Variants in TENM2 observed in about 807,000 individuals in gnomAD.
TENM2 encodes the protein teneurin-2.
A neutral mutation model predicts 245.2 loss-of-function variants in TENM2; 52 were observed. That is an observed-to-expected ratio of 0.21 (90% confidence interval 0.17 to 0.27). The LOEUF (loss-of-function observed/expected upper bound fraction) is 0.27. TENM2 is among the 10% of genes least tolerant of loss of function. TENM2 has a pLI of 1.00. For synonymous variants in TENM2, 1,363 were observed against 1,438.9 expected, an observed-to-expected ratio of 0.95 and a Z score of 1.19; for missense variants, 3,046 against 3,666.8, an observed-to-expected ratio of 0.83 and a Z score of 4.37.
intron 2 of TENM2, among the ~76,000 whole-genome samples, chr5:167,680,927 C>A: frequency 6.6e-6 from 1 of 151,448 alleles, no homozygotes; most frequent in Non-Finnish European, 1.5e-5. Flanking sequence ...GTGTCATAAA[C>A]TTGAATGATG....
intron 27 of TENM2, among the ~76,000 whole-genome samples, chr5:168,250,170 G>A (rs1201367435): frequency 7.1e-6 from 1 of 141,840 alleles, no homozygotes; most frequent in Admixed American, 7.1e-5. Context: ...ATGGATGGAT[G>A]GGTAAATAGA....
intron 7 of TENM2, among the ~76,000 whole-genome samples, chr5:168,062,588 A>G (rs942590171): frequency 6.6e-6 from 1 of 152,224 alleles, no homozygotes; most frequent in Non-Finnish European, 1.5e-5. Flanking sequence ...ATCAGTGTTC[A>G]TCATAGCCTT....
intron 10 of TENM2, among the ~76,000 whole-genome samples, chr5:168,123,160 A>G (rs530535378): frequency 3.9e-4 from 59 of 152,100 alleles, no homozygotes; most frequent in African/African-American, 1.3e-3. Flanking sequence ...ATAGCTGGAC[A>G]TGGCAATGTG....
At chr5:167,508,131 T>C (rs552496734) in intron 2 of TENM2, among the ~76,000 whole-genome samples, 2 of 152,246 alleles carry the variant, frequency 1.3e-5, no homozygotes, top group African/African-American at 4.8e-5. Flanking sequence ...CGTCCCTTAA[T>C]TATCAGAATA....
intron 2 of TENM2, among the ~76,000 whole-genome samples, chr5:167,601,668 G>A (rs974751437): frequency 6.6e-6 from 1 of 152,184 alleles, no homozygotes; most frequent in African/African-American, 2.4e-5. Flanking sequence ...CTGGAATACT[G>A]TACCTGGTTG....
the TENM2 span, among the ~76,000 whole-genome samples, chr5:167,170,572 T>C: frequency 6.6e-6 from 1 of 152,208 alleles, no homozygotes; most frequent in Non-Finnish European, 1.5e-5. Flanking sequence ...ATGTTTAAGT[T>C]TCTATATGAC....
the TENM2 span, among the ~76,000 whole-genome samples, chr5:167,171,425 A>G: frequency 6.6e-6 from 1 of 152,232 alleles, no homozygotes; most frequent in Non-Finnish European, 1.5e-5. Context: ...GCAGGGGCCC[A>G]ACGGGAAACA....
chr5:168,039,511 C>T (rs899909684), intron 5 of TENM2, among the ~76,000 whole-genome samples: 2 of 152,066 alleles, frequency 1.3e-5, no homozygotes, highest in Non-Finnish European at 2.9e-5. Context: ...ATTTTGATCA[C>T]ATGGGTCCTT....
the TENM2 span, among the ~76,000 whole-genome samples, chr5:167,034,334 A>G: frequency 4.5e-4 from 68 of 151,282 alleles, no homozygotes; most frequent in Non-Finnish European, 8.1e-4. Flanking sequence ...ATAGGTGTAC[A>G]TGTGAAATTA....
chr5:167,405,596 G>C (rs1005549088), intron 2 of TENM2, among the ~76,000 whole-genome samples: 4 of 151,840 alleles, frequency 2.6e-5, no homozygotes, highest in African/African-American at 9.7e-5. Flanking sequence ...AGCAAGTGAA[G>C]GCTTCAGAGA....
At chr5:166,984,978 C>T in the TENM2 span, among the ~76,000 whole-genome samples, 2 of 151,970 alleles carry the variant, frequency 1.3e-5, no homozygotes, top group Non-Finnish European at 2.9e-5. Flanking sequence ...AGACAGGCCA[C>T]GTACTGAGCT....
At chr5:167,071,877 C>CA in the TENM2 span, among the ~76,000 whole-genome samples, 97 of 113,300 alleles carry the variant, frequency 8.6e-4, no homozygotes, top group South Asian at 0.028. Context: ...TTTGACAAAT[C>CA]GCCCCCCCCC....
chr5:167,745,641 C>T (rs948322175), intron 2 of TENM2, among the ~76,000 whole-genome samples: 13 of 152,186 alleles, frequency 8.5e-5, no homozygotes, highest in Non-Finnish European at 1.8e-4. Flanking sequence ...TTTTCATCAT[C>T]CAAAAATTCC....
At chr5:167,106,778 A>T in the TENM2 span, among the ~76,000 whole-genome samples, 2 of 130,942 alleles carry the variant, frequency 1.5e-5, no homozygotes, top group East Asian at 2.5e-4. Context: ...GGCAGTGAAG[A>T]GGGTGGGGGA....
intron 6 of TENM2, among the ~76,000 whole-genome samples, chr5:168,051,815 CCCTTGTAA>C (rs1562098672): frequency 6.6e-6 from 1 of 152,176 alleles, no homozygotes; most frequent in Non-Finnish European, 1.5e-5. Context: ...AATGAGATGA[CCCTTGTAA>C]AACATTGCAT....
intron 2 of TENM2, among the ~76,000 whole-genome samples, chr5:167,762,462 G>T (rs559112619): frequency 9.9e-5 from 15 of 152,114 alleles, no homozygotes; most frequent in Non-Finnish European, 2.1e-4. Flanking sequence ...CCTTCCTCTC[G>T]TTATTTTCGT....
intron 2 of TENM2, among the ~76,000 whole-genome samples, chr5:167,785,118 AC>A (rs1356328382): frequency 1.3e-4 from 20 of 152,216 alleles, no homozygotes; most frequent in Admixed American, 7.2e-4. Flanking sequence ...TTTTCCTACT[AC>A]ACAGTCTGCC....
At chr5:167,717,146 G>C (rs1377341803) in intron 2 of TENM2, among the ~76,000 whole-genome samples, 2 of 151,742 alleles carry the variant, frequency 1.3e-5, no homozygotes, top group Non-Finnish European at 2.9e-5. Flanking sequence ...AGTAGAAATG[G>C]GGTTTCACCA....
chr5:167,679,036 A>G (rs78550750), intron 2 of TENM2, among the ~76,000 whole-genome samples: 1 of 152,100 alleles, frequency 6.6e-6, no homozygotes, highest in Admixed American at 6.6e-5. Flanking sequence ...TTAAAAGAAA[A>G]CCCAAACACA....
Sources: allele counts gnomAD v4.1 joint callset (sites outside exome capture counted in the v4.1 genomes callset), GRCh38; gene constraint gnomAD v4.1.1; transcripts MANE v1.5; gene names NCBI Gene and HGNC (gene_info 2026-07-23, HGNC 2026-07-21).